TMF1: variants seen among roughly 807,000 people sequenced by gnomAD.
The protein encoded by TMF1 is TATA element modulatory factor.
TMF1 carries 71 observed loss-of-function variants against 126.5 expected under a neutral mutation model. That is an observed-to-expected ratio of 0.56 (90% CI 0.46 to 0.68). TMF1 has a LOEUF of 0.68. TMF1 is among the 30% of genes least tolerant of loss of function. The pLI is 0.00. For missense variants in TMF1, 1,259 were observed against 1,253.2 expected (o/e 1.00, Z -0.07); for synonymous variants, 461 against 430.5 (o/e 1.07, Z -0.88).
chr3:69,038,378 GGTATCAC>G (rs1416161971), intron 8 of TMF1, among the ~76,000 whole-genome samples, 179 bp downstream of exon 8: 1 of 152,068 alleles, frequency 6.6e-6, no homozygotes, highest in Non-Finnish European at 1.5e-5. Context: ...AAACAATACT[GGTATCAC>G]GTAAGCATTA....
chr3:69,036,856 C>G (rs2107462437), intron 8 of TMF1, among the ~76,000 whole-genome samples: 1 of 152,254 alleles, frequency 6.6e-6, no homozygotes, highest in Non-Finnish European at 1.5e-5. Flanking sequence ...TCTGCATAAA[C>G]TTGGATTAAG....
intron 7 of TMF1, 56 bp from the exon 8 acceptor site, chr3:69,038,776 G>C: frequency 1.3e-6 from 2 of 1,587,052 alleles, no homozygotes; most frequent in African/African-American, 1.4e-5. Context: ...AATAGAAAAA[G>C]TATTTCTTCA....
intron 13 of TMF1, among the ~76,000 whole-genome samples, chr3:69,027,208 C>T (rs1380386227): frequency 6.6e-6 from 1 of 152,106 alleles, no homozygotes; most frequent in Non-Finnish European, 1.5e-5. Flanking sequence ...GTTGGCCAGG[C>T]TGGTCTTGAA....
chr3:69,041,455 C>T (rs1324367703), intron 5 of TMF1, among the ~76,000 whole-genome samples: 3 of 152,154 alleles, frequency 2.0e-5, no homozygotes, highest in African/African-American at 7.2e-5. Flanking sequence ...AATGAAATGA[C>T]TGCTTCCAAC....
At chr3:69,025,385 G>C (rs2091762473) in intron 15 of TMF1, 175 bp downstream of exon 15, 1 of 556,700 alleles carries the variant, frequency 1.8e-6, no homozygotes, top group Non-Finnish European at 3.1e-6. Context: ...GTTATCCTTA[G>C]CTAATTTCTC....
At chr3:69,028,200 A>C in intron 12 of TMF1, 26 bp downstream of exon 12, 1 of 1,588,260 alleles carries the variant, frequency 6.3e-7, no homozygotes, top group East Asian at 2.2e-5. Context: ...ATGCCCTAAG[A>C]GCTGAGTGGT....
chr3:69,033,911 G>C, intron 9 of TMF1: 2 of 414,002 alleles, frequency 4.8e-6, no homozygotes, highest in Non-Finnish European at 8.5e-6. Flanking sequence ...GCTCACTGTA[G>C]CCTCAACCTC....
chr3:69,041,268 A>C (rs1016498533), intron 5 of TMF1, among the ~76,000 whole-genome samples: 2 of 152,206 alleles, frequency 1.3e-5, no homozygotes, highest in African/African-American at 2.4e-5. Flanking sequence ...TTTCTATTTT[A>C]GTGCTTAGAA....
intron 8 of TMF1, among the ~76,000 whole-genome samples, chr3:69,038,019 TAG>T (rs1387839173): frequency 3.9e-5 from 6 of 152,162 alleles, no homozygotes; most frequent in African/African-American, 1.2e-4. Context: ...GTTAAATATA[TAG>T]AGTTACCATA....
rs2091884578 is a variant in TMF1 at position 69,044,502 on chromosome 3, T to A, written c.1441A>T (p.Asn481Tyr). 1.9e-6 allele frequency: 3 copies of A among 1,581,874 alleles called. No individual in the cohort carries two copies. Among genetic ancestry groups the A allele is most frequent in the Non-Finnish European group, 2.6e-6 (3 of 1,161,488 alleles). The change falls in exon 3 of 17, where the codon AAC (asparagine) becomes TAC (tyrosine). Residue 481 changes from asparagine to tyrosine, a missense_variant. Physicochemically the swap from Asn to Tyr is moderately radical, Grantham distance 143. Transcript: ENST00000398559. Reference sequence around the variant, plus strand: ...TTGCAGAATACTTACTCTTTCAGGTTATCAAAAGCTTCTTCTAGAAGTGCT... The same window carrying A: ...TTGCAGAATACTTACTCTTTCAGGTAATCAAAAGCTTCTTCTAGAAGTGCT... ...EKALLEEAFD[N>Y]LKDEMFRVKE...
In TMF1 at chr3:69,044,488, T is replaced by C; in HGVS notation, c.1451+4A>G. 6.6e-7 allele frequency: 1 copy of C among 1,508,142 alleles called. No homozygotes were observed. The highest frequency in any genetic ancestry group is 1.2e-5 in the South Asian group (1 of 84,618). The allele number at this position is 1,508,142 out of a possible 1,614,324, so 93.4% of individuals were successfully genotyped here. On this transcript the variant is annotated splice_donor_region_variant and intron_variant, in intron 3 of 16. Coordinates refer to ENST00000398559, the MANE Select transcript of TMF1 (RefSeq NM_007114.3). Reference sequence around the variant, plus strand: ...AACATTATTCACATTTGCAGAATACTTACTCTTTCAGGTTATCAAAAGCTT... The same window carrying C: ...AACATTATTCACATTTGCAGAATACCTACTCTTTCAGGTTATCAAAAGCTT...
intron 2 of TMF1, among the ~76,000 whole-genome samples, chr3:69,045,653 G>A (rs1387981753): frequency 2.0e-5 from 3 of 151,812 alleles, no homozygotes; most frequent in African/African-American, 4.8e-5. Flanking sequence ...GGTAGCATAC[G>A]TCTGTAGTCC....
At chr3:69,027,504 C>T (rs1424924186) in intron 13 of TMF1, among the ~76,000 whole-genome samples, 1 of 152,048 alleles carries the variant, frequency 6.6e-6, no homozygotes, top group African/African-American at 2.4e-5. Context: ...TTTGGGTCCA[C>T]TCTGAGCAGG....
rs909811004 is a variant in TMF1 at position 69,022,858 on chromosome 3, T to C, written c.*319A>G. On this transcript the variant is annotated 3_prime_UTR_variant, in exon 17 of 17. Transcript: ENST00000398559. ...CAACTAGTTGTATATCTACAATACA[T>C]ATATGAACACCATTCTTCTTCTCTA... The C allele has an allele frequency of 3.1e-5, 6 of 192,462 alleles. No homozygotes were observed. The highest frequency in any genetic ancestry group is 2.9e-4 in the Admixed American group (5 of 17,364). The allele number at this position is 192,462 out of a possible 1,614,324, so 11.9% of individuals were successfully genotyped here. A position where few individuals can be genotyped will look rare whatever the true frequency, so the allele number is the denominator to read the frequency against.
At chr3:69,037,419 C>T (rs2091838684) in intron 8 of TMF1, among the ~76,000 whole-genome samples, 1 of 152,072 alleles carries the variant, frequency 6.6e-6, no homozygotes, top group African/African-American at 2.4e-5. Flanking sequence ...GCGGGTGGAT[C>T]ACCAGAGGTC....
chr3:69,043,867 G>C lies in TMF1; in HGVS notation c.1461C>G (p.Phe487Leu). ...TGCTACTGCTTTCTTCTTTCACTCT[G>C]AACATTTCACTAAATTTAAAATAAT... is the stretch of plus-strand genomic sequence containing the variant. ...EAFDNLKDEM[F>L]RVKEESSSIS... is the part of the protein sequence containing the mutation. The change falls in exon 4 of 17, where the codon TTC (phenylalanine) becomes TTG (leucine). Residue 487 changes from phenylalanine (F) to leucine (L), a missense_variant. Phe to Leu is a conservative substitution (Grantham distance 22, BLOSUM62 0). Transcript: ENST00000398559. 6.2e-7 allele frequency: 1 copy of C among 1,600,378 alleles called. No homozygotes were observed. Among genetic ancestry groups the C allele is most frequent in the South Asian group, 1.1e-5 (1 of 88,184 alleles).
At chr3:69,042,425 G>A (rs2091871913) in intron 5 of TMF1, 1 of 459,002 alleles carries the variant, frequency 2.2e-6, no homozygotes, top group Non-Finnish European at 4.4e-6. Context: ...TCAAATGTCA[G>A]AAAAAGACAA....
intron 4 of TMF1, 113 bp downstream of exon 4, chr3:69,043,637 A>G (rs1446349349): frequency 1.9e-6 from 2 of 1,036,578 alleles, no homozygotes; most frequent in Non-Finnish European, 2.8e-6. Context: ...TTAATAGATG[A>G]TATCCTTTTC....
At chr3:69,051,092 G>A (rs2091925419) in intron 1 of TMF1, among the ~76,000 whole-genome samples, 1 of 152,198 alleles carries the variant, frequency 6.6e-6, no homozygotes, top group African/African-American at 2.4e-5. Flanking sequence ...GTGACCTAGA[G>A]CAAGTTACTT....
Sources: allele counts gnomAD v4.1 joint callset (sites outside exome capture counted in the v4.1 genomes callset), GRCh38; gene constraint gnomAD v4.1.1; transcripts MANE v1.5; gene names NCBI Gene and HGNC (gene_info 2026-07-23, HGNC 2026-07-21).